Variants in CCND2 observed in about 807,000 individuals in gnomAD.
The protein encoded by CCND2 is G1/S-specific cyclin-D2.
CCND2 carries 6 observed loss-of-function variants against 30.2 expected under a neutral mutation model. That is an observed-to-expected ratio of 0.20 (90% confidence interval 0.11 to 0.39). CCND2 has a LOEUF of 0.39. Among genes scored for constraint, CCND2 ranks in the 10% least tolerant of loss-of-function variants. The probability of loss-of-function intolerance (pLI) is 1.00; values close to 1 mark genes in which losing one functional copy is unlikely to be tolerated. For synonymous variants in CCND2, 150 were observed against 153.1 expected (o/e 0.98, Z 0.15); for missense variants, 235 against 373.4 (o/e 0.63, Z 3.06).
At chr12:4,278,649 C>T (rs962070672) in intron 2 of CCND2, 111 bp from the exon 3 acceptor site, 20 of 995,280 alleles carry the variant, frequency 2.0e-5, no homozygotes, top group South Asian at 1.3e-4. Flanking sequence ...CTAGCAGCCA[C>T]GTCCTAATGA....
In CCND2 at chr12:4,273,832, C is replaced by G; in HGVS notation, c.-209C>G. On this transcript the variant is annotated 5_prime_UTR_variant, in exon 1 of 5. Transcript: ENST00000261254. This position sits in a 1 kb window ranked among gnomAD's most constrained non-coding sequence, Gnocchi z 5.9. ...GGAGGACCGGTGCGAGTGAGGCAGC[C>G]CCGAGGCTCTGCTCGCCCACCACCC... is the stretch of plus-strand genomic sequence containing the variant. The G allele has an allele frequency of 1.7e-6, 1 of 602,964 alleles. No homozygotes were observed. Among genetic ancestry groups the G allele is most frequent in the Non-Finnish European group, 2.9e-6 (1 of 340,726 alleles). The allele number at this position is 602,964 out of a possible 1,614,324, so 37.4% of individuals were successfully genotyped here.
intron 4 of CCND2, among the ~76,000 whole-genome samples, chr12:4,291,681 G>T (rs1478328359): frequency 6.6e-6 from 1 of 152,146 alleles, no homozygotes; most frequent in Non-Finnish European, 1.5e-5. Context: ...TAGAATGCCG[G>T]CCTCCCAGCA....
intron 2 of CCND2, 160 bp from the exon 3 acceptor site, chr12:4,278,600 G>A: frequency 3.5e-6 from 2 of 569,440 alleles, no homozygotes; most frequent in Admixed American, 6.6e-5. Flanking sequence ...CAACTTCAAA[G>A]CTTCAGGGGC....
At chr12:4,277,813 GC>G (rs1421503400) in intron 2 of CCND2, among the ~76,000 whole-genome samples, 1 of 152,260 alleles carries the variant, frequency 6.6e-6, no homozygotes, top group Non-Finnish European at 1.5e-5. Flanking sequence ...AACAGGCCCT[GC>G]CTCTCATTCT....
chr12:4,300,305 G>T lies in CCND2; in HGVS notation c.*296G>T, dbSNP rs370162310. On this transcript the variant is annotated 3_prime_UTR_variant, in exon 5 of 5. Transcript: ENST00000261254. ...AAATGCTTACAGGAAAACCTGCAGA[G>T]TAGTTAGAGAATATGTATGCCTGCA... 3 of 327,832 alleles carry T rather than the reference G, an allele frequency of 9.2e-6. No homozygotes were observed. Among genetic ancestry groups the T allele is most frequent in the Non-Finnish European group, 1.7e-5 (3 of 177,238 alleles). The allele number at this position is 327,832 out of a possible 1,614,324, so 20.3% of individuals were successfully genotyped here.
Position 4,299,978 on chromosome 12 carries a change from C to T in CCND2, c.839C>T (p.Thr280Ile), listed in dbSNP as rs587777620. Reference protein sequence around the residue: ...KSEDELDQASTPTDVRDIDL With the variant: ...KSEDELDQASIPTDVRDIDL ...GAGGATGAACTGGACCAAGCCAGCA[C>T]CCCTACAGACGTGCGGGATATCGAC... is the stretch of plus-strand genomic sequence containing the variant. Residue 280 changes from threonine to isoleucine, a missense_variant, in exon 5 of 5, where the codon ACC becomes ATC. Physicochemically the swap from Thr to Ile is moderately conservative, Grantham distance 89 (BLOSUM62 -1). Transcript: ENST00000261254. The surrounding 1 kb of genome is among the most constrained non-coding windows in gnomAD (Gnocchi z 5.2). The T allele has an allele frequency of 1.9e-6, 3 of 1,614,052 alleles. No homozygotes were observed. The highest frequency in any genetic ancestry group is 2.5e-6 in the Non-Finnish European group (3 of 1,179,980).
Position 4,287,952 on chromosome 12 carries a change from C to T in CCND2, c.572-890C>T, listed in dbSNP as rs1864045986. ...TCAAGCCCCTCTGATTTATTATCCT[C>T]ATTCTGCACTTCCCTGTAGCAAGTC... On this transcript the variant is annotated intron_variant, in intron 3 of 4. Coordinates refer to ENST00000261254, the MANE Select transcript of CCND2 (RefSeq NM_001759.4). The surrounding 1 kb of genome is among the most constrained non-coding windows in gnomAD (Gnocchi z 4.0). 6.6e-6 allele frequency among the ~76,000 whole-genome samples: 1 copy of T among 152,222 alleles called. No homozygotes were observed. The highest frequency in any genetic ancestry group is 2.1e-4 in the South Asian group (1 of 4,834).
intron 3 of CCND2, among the ~76,000 whole-genome samples, chr12:4,288,237 CTT>C (rs56794387): frequency 0.29 from 39,819 of 136,130 alleles, 5,944 homozygotes; most frequent in Middle Eastern, 0.5. Context: ...TAGATCAAAC[CTT>C]TTTTTTTTTT....
chr12:4,278,379 A>G (rs1157710544), intron 2 of CCND2, among the ~76,000 whole-genome samples: 1 of 152,104 alleles, frequency 6.6e-6, no homozygotes, highest in Admixed American at 6.6e-5. Flanking sequence ...AATTACCATG[A>G]AAGGGCCACA....
At chr12:4,275,967 C>T (rs2120521964) in intron 1 of CCND2, 38 bp from the exon 2 acceptor site, 2 of 1,226,826 alleles carry the variant, frequency 1.6e-6, no homozygotes, top group Non-Finnish European at 2.3e-6. Flanking sequence ...CTATGCTCTC[C>T]ACCCCCGCCC....
intron 3 of CCND2, among the ~76,000 whole-genome samples, 159 bp from the exon 4 acceptor site, chr12:4,288,683 C>T (rs919826477): frequency 1.3e-5 from 2 of 152,164 alleles, no homozygotes; most frequent in African/African-American, 4.8e-5. Context: ...TAAACACAGG[C>T]TCCTTGTGAA....
At position 4,300,881 on chromosome 12, in the gene CCND2, C is replaced by T. The variant is rs1472528342; in HGVS notation, c.*872C>T. The stretch of plus-strand genomic sequence containing the variant: ...TATTGTATTTAAAAGGGTAATGTGG[C>T]CTTGGCATTTCTTCTTAGAAAAAAA... On this transcript the variant is annotated 3_prime_UTR_variant, in exon 5 of 5. Transcript: ENST00000261254. 2.1e-5 allele frequency: 5 copies of T among 233,546 alleles called. No individual in the cohort carries two copies. The highest frequency in any genetic ancestry group is 1.1e-4 in the African/African-American group (5 of 45,318). The allele number at this position is 233,546 out of a possible 1,614,324, so 14.5% of individuals were successfully genotyped here.
intron 3 of CCND2, among the ~76,000 whole-genome samples, chr12:4,284,570 G>T (rs1043797525): frequency 1.3e-5 from 2 of 152,154 alleles, no homozygotes; most frequent in Non-Finnish European, 2.9e-5. Flanking sequence ...GTCTGGTGGG[G>T]ACTGGGGCAG....
chr12:4,298,279 T>G (rs1246134437), intron 4 of CCND2, among the ~76,000 whole-genome samples: 1 of 152,260 alleles, frequency 6.6e-6, no homozygotes, highest in Non-Finnish European at 1.5e-5. Flanking sequence ...GCCTTTAGTC[T>G]GTGGTTGTTC....
At position 4,288,991 on chromosome 12, in the gene CCND2, GTAGGTGGCCACCACCTTCTTGGC is replaced by G. The variant is rs777949060; in HGVS notation, c.720+4_720+26del. The G allele has an allele frequency of 5.6e-6, 9 of 1,608,472 alleles. No individual in the cohort carries two copies. Among genetic ancestry groups the G allele is most frequent in the Non-Finnish European group, 8.5e-7 (1 of 1,177,138 alleles). On this transcript the variant is annotated splice_donor_variant and splice_donor_5th_base_variant and intron_variant, in intron 4 of 4. Transcript: ENST00000261254. LOFTEE classifies it high-confidence loss of function. ...GGCTAAGATCACCAACACAGACGTG[GTAGGTGGCCACCACCTTCTTGGC>G]TAAGTCCAGATGTCTCTTCTCAGCT...
chr12:4,292,618 C>T (rs189747896), intron 4 of CCND2, among the ~76,000 whole-genome samples: 12 of 152,262 alleles, frequency 7.9e-5, no homozygotes, highest in African/African-American at 1.9e-4. Flanking sequence ...TAAACCAGAA[C>T]GCTTCATTCC....
intron 4 of CCND2, among the ~76,000 whole-genome samples, chr12:4,290,570 TG>T (rs1382190577): frequency 7.3e-6 from 1 of 136,610 alleles, no homozygotes; most frequent in African/African-American, 2.5e-5. Flanking sequence ...TGACAGGAGT[TG>T]GAAGCGGCCA....
chr12:4,292,497 A>G (rs1449005693), intron 4 of CCND2, among the ~76,000 whole-genome samples: 3 of 151,884 alleles, frequency 2.0e-5, no homozygotes, highest in Non-Finnish European at 4.4e-5. Flanking sequence ...TTCTTGTGAG[A>G]TGGCCAGGCG....
Position 4,300,689 on chromosome 12 carries a change from G to A in CCND2, c.*680G>A, listed in dbSNP as rs1864236562. The A allele has an allele frequency of 4.3e-6, 1 of 233,598 alleles. No homozygotes were observed. The highest frequency in any genetic ancestry group is 8.5e-6 in the Non-Finnish European group (1 of 118,064). 14.5% of individuals were successfully genotyped at this position (233,598 alleles called of 1,614,324 possible). ...TTGGACACAGGTGATTGGCTCCTGG[G>A]TTTCATGTTCTGTGACATCCTGCTT... On this transcript the variant is annotated 3_prime_UTR_variant, in exon 5 of 5. Coordinates refer to ENST00000261254, the MANE Select transcript of CCND2 (RefSeq NM_001759.4).
Sources: allele counts gnomAD v4.1 joint callset (sites outside exome capture counted in the v4.1 genomes callset), GRCh38; gene constraint gnomAD v4.1.1; non-coding constraint Gnocchi (gnomAD v3.1); transcripts MANE v1.5; gene names NCBI Gene and HGNC (gene_info 2026-07-23, HGNC 2026-07-21).